DNM3: variants seen among roughly 807,000 people sequenced by gnomAD.
The protein encoded by DNM3 is dynamin 3.
Under a neutral mutation model 101.6 loss-of-function variants are expected in DNM3, and 47 were observed. The ratio of observed to expected loss-of-function variants is 0.46; its 90% CI spans 0.37 to 0.59. The LOEUF is 0.59. Ranked by LOEUF, DNM3 falls within the 20% of genes least tolerant of loss-of-function variation. The pLI is 0.00. For synonymous variants in DNM3, 385 were observed against 387.9 expected (o/e 0.99, Z 0.09); for missense variants, 849 against 1,085.7 (o/e 0.78, Z 3.06).
At chr1:171,852,379 G>A in intron 1 of DNM3, among the ~76,000 whole-genome samples, 1 of 152,210 alleles carries the variant, frequency 6.6e-6, no homozygotes, top group East Asian at 1.9e-4. Flanking sequence ...TCTTTTAGCA[G>A]ATGGATTTGT....
intron 2 of DNM3, among the ~76,000 whole-genome samples, chr1:171,934,458 T>C (rs2041259496): frequency 6.6e-6 from 1 of 152,254 alleles, no homozygotes; most frequent in South Asian, 2.1e-4. Context: ...AAAGCTATAC[T>C]AGTCAGCATA....
Position 172,304,206 on chromosome 1 carries a change from C to CAAAAAAAAAAAAAAAAAAAAAAAA in DNM3, c.1770-4506_1770-4505insAAAAAAAAAAAAAAAAAAAAAAAA, listed in dbSNP as rs575733774. Among the ~76,000 whole-genome samples the CAAAAAAAAAAAAAAAAAAAAAAAA allele has an allele frequency of 3.0e-4, 11 of 36,368 alleles. 1 individual carries two copies. Among genetic ancestry groups the CAAAAAAAAAAAAAAAAAAAAAAAA allele is most frequent in the Non-Finnish European group, 4.3e-4 (9 of 21,130 alleles). 23.9% of individuals were successfully genotyped at this position (36,368 alleles called of 152,430 possible). ...GAATATCTACCATGCAAAAGGAAAG[C>CAAAAAAAAAAAAAAAAAAAAAAAA]AAAAAAAAAAAAAAAACAGGAGTTG... is the stretch of plus-strand genomic sequence containing the variant. On this transcript the variant is annotated intron_variant, in intron 15 of 20. Transcript: ENST00000627582.
intron 14 of DNM3, among the ~76,000 whole-genome samples, chr1:172,186,078 T>C (rs1008623673): frequency 2.0e-5 from 3 of 152,046 alleles, no homozygotes; most frequent in African/African-American, 7.2e-5. Flanking sequence ...ACAATAAAAA[T>C]GGGAATAAGG....
At chr1:172,100,935 A>C (rs1330131005) in intron 13 of DNM3, among the ~76,000 whole-genome samples, 1 of 152,114 alleles carries the variant, frequency 6.6e-6, no homozygotes, top group African/African-American at 2.4e-5. Flanking sequence ...TTTTCAGAAA[A>C]CCTTCTAAGG....
chr1:172,050,779 A>C (rs1428344524), intron 10 of DNM3, among the ~76,000 whole-genome samples: 1 of 152,206 alleles, frequency 6.6e-6, no homozygotes, highest in East Asian at 1.9e-4. Flanking sequence ...CAATCAGCAG[A>C]TCCATATGCA....
intron 1 of DNM3, among the ~76,000 whole-genome samples, chr1:171,881,878 G>A (rs16828381): frequency 0.43 from 64,872 of 151,986 alleles, 13,975 homozygotes; most frequent in African/African-American, 0.44. Context: ...ATTAATTGGC[G>A]TGAAAACGTT....
At chr1:172,168,852 T>C (rs984209083) in intron 14 of DNM3, among the ~76,000 whole-genome samples, 3 of 151,924 alleles carry the variant, frequency 2.0e-5, no homozygotes, top group Admixed American at 6.6e-5. Flanking sequence ...CTGCACCAAA[T>C]TGCCAAGTTG....
chr1:172,165,866 A>G (rs532496925), intron 14 of DNM3, among the ~76,000 whole-genome samples: 1 of 152,154 alleles, frequency 6.6e-6, no homozygotes, highest in East Asian at 1.9e-4. Flanking sequence ...TGAATTCTTC[A>G]CATTGCCTAA....
chr1:172,316,935 C>A (rs933712183), intron 16 of DNM3, among the ~76,000 whole-genome samples: 1 of 152,200 alleles, frequency 6.6e-6, no homozygotes, highest in Non-Finnish European at 1.5e-5. Context: ...ATAGAATATA[C>A]ATTTTTTTCA....
At chr1:171,885,660 G>A (rs1054721657) in intron 1 of DNM3, among the ~76,000 whole-genome samples, 2 of 152,138 alleles carry the variant, frequency 1.3e-5, no homozygotes, top group African/African-American at 4.8e-5. Context: ...CAGGGGATAT[G>A]CCCACCTAGA....
intron 17 of DNM3, among the ~76,000 whole-genome samples, chr1:172,377,062 T>G (rs1454874234): frequency 6.6e-6 from 1 of 152,098 alleles, no homozygotes; most frequent in Non-Finnish European, 1.5e-5. Context: ...TTATTTATTC[T>G]GCTTTTCTCC....
intron 2 of DNM3, among the ~76,000 whole-genome samples, chr1:171,972,144 CAT>C (rs2044039492): frequency 1.3e-5 from 2 of 152,214 alleles, no homozygotes; most frequent in Admixed American, 1.3e-4. Context: ...ATGTAGAAGA[CAT>C]AGTCCTACTC....
intron 2 of DNM3, among the ~76,000 whole-genome samples, chr1:171,935,609 C>T (rs1000644262): frequency 3.3e-5 from 5 of 151,952 alleles, no homozygotes; most frequent in Admixed American, 2.0e-4. Context: ...GTTGTGGCTT[C>T]CTCCAGCGCC....
At chr1:172,337,866 T>TTTTTA (rs567308271) in intron 17 of DNM3, among the ~76,000 whole-genome samples, 12,081 of 112,906 alleles carry the variant, frequency 0.11, 1,019 homozygotes, top group East Asian at 0.17. Flanking sequence ...TTTTATTTTA[T>TTTTTA]TTTTATTTTA....
intron 16 of DNM3, chr1:172,311,312 A>ATGTGTGTGTGTGTGTG (rs59722548): frequency 6.8e-6 from 1 of 146,956 alleles, no homozygotes; most frequent in African/African-American, 2.5e-5. Flanking sequence ...TTATTTATCA[A>ATGTGTGTGTGTGTGTG]TGTGTGTGTG....
At chr1:171,881,508 T>C (rs1231567325) in intron 1 of DNM3, among the ~76,000 whole-genome samples, 1 of 152,082 alleles carries the variant, frequency 6.6e-6, no homozygotes, top group Non-Finnish European at 1.5e-5. Context: ...GGAAAATTTA[T>C]AGGAGTGGGA....
At chr1:171,851,827 A>AT (rs1176316656) in intron 1 of DNM3, among the ~76,000 whole-genome samples, 1 of 152,258 alleles carries the variant, frequency 6.6e-6, no homozygotes, top group Non-Finnish European at 1.5e-5. Context: ...CAAGGTAGTT[A>AT]TAAGTACCAC....
chr1:172,248,308 G>A (rs1324908490), intron 14 of DNM3, among the ~76,000 whole-genome samples: 1 of 152,034 alleles, frequency 6.6e-6, no homozygotes, highest in Non-Finnish European at 1.5e-5. Context: ...GTCTAGGTAG[G>A]CCCAGCATGT....
intron 15 of DNM3, among the ~76,000 whole-genome samples, chr1:172,268,785 G>A (rs2062969559): frequency 6.6e-6 from 1 of 152,122 alleles, no homozygotes; most frequent in African/African-American, 2.4e-5. Context: ...TTTTTCAAAT[G>A]AAACTCTGAA....
Sources: allele counts gnomAD v4.1 joint callset (sites outside exome capture counted in the v4.1 genomes callset), GRCh38; gene constraint gnomAD v4.1.1; transcripts MANE v1.5; gene names NCBI Gene and HGNC (gene_info 2026-07-23, HGNC 2026-07-21).